AOAH: variants seen among roughly 807,000 people sequenced by gnomAD.
The protein encoded by AOAH is acyloxyacyl hydrolase (neutrophil).
Under a neutral mutation model 92.2 loss-of-function variants are expected in AOAH, and 64 were observed. The ratio of observed to expected loss-of-function variants is 0.69; its 90% CI spans 0.57 to 0.86. The LOEUF is 0.86. AOAH is among the 40% of genes least tolerant of loss of function. The probability of loss-of-function intolerance (pLI) is 0.00; values close to 1 mark genes in which losing one functional copy is unlikely to be tolerated. For synonymous variants in AOAH, 263 were observed against 254.5 expected (o/e 1.03, Z -0.32); for missense variants, 656 against 694.6 (o/e 0.94, Z 0.62).
At chr7:36,708,084 C>T (rs1446275384) in intron 1 of AOAH, among the ~76,000 whole-genome samples, 1 of 152,150 alleles carries the variant, frequency 6.6e-6, no homozygotes, top group South Asian at 2.1e-4. Context: ...TGAGCCACTG[C>T]ACCTGGCCTT....
chr7:36,649,959 C>T (rs112999105), intron 4 of AOAH, among the ~76,000 whole-genome samples: 5 of 152,176 alleles, frequency 3.3e-5, no homozygotes, highest in East Asian at 1.9e-4. Flanking sequence ...CTGGGTTCCA[C>T]GGTTCTCTTC....
intron 2 of AOAH, among the ~76,000 whole-genome samples, chr7:36,683,723 CTTGAAT>C (rs61572395): frequency 0.32 from 48,366 of 151,630 alleles, 8,810 homozygotes; most frequent in East Asian, 0.55. Context: ...TGGTTCTGAA[CTTGAAT>C]TTGAAGTGTC....
chr7:36,713,126 T>C (rs1458088564), intron 1 of AOAH, among the ~76,000 whole-genome samples: 2 of 151,990 alleles, frequency 1.3e-5, no homozygotes, highest in Non-Finnish European at 2.9e-5. Context: ...AATAAAGGGA[T>C]GGAGGAAGAT....
intron 12 of AOAH, among the ~76,000 whole-genome samples, chr7:36,587,192 A>G (rs926276170): frequency 6.6e-5 from 10 of 150,956 alleles, no homozygotes; most frequent in African/African-American, 2.4e-4. Flanking sequence ...GAATCGCTTG[A>G]ACCCAGGAGG....
chr7:36,657,914 A>T (rs191351239), intron 4 of AOAH, among the ~76,000 whole-genome samples: 1 of 152,346 alleles, frequency 6.6e-6, no homozygotes, highest in East Asian at 1.9e-4. Flanking sequence ...TGTATACATG[A>T]CATTATTATT....
chr7:36,697,555 G>A (rs1254682108), intron 1 of AOAH, among the ~76,000 whole-genome samples: 1 of 152,122 alleles, frequency 6.6e-6, no homozygotes, highest in Non-Finnish European at 1.5e-5. Context: ...AGTGAAATGT[G>A]TTTCTTCCTC....
At chr7:36,527,406 T>C (rs1784455461) in intron 19 of AOAH, among the ~76,000 whole-genome samples, 1 of 152,230 alleles carries the variant, frequency 6.6e-6, no homozygotes, top group African/African-American at 2.4e-5. Context: ...GACTGCAGAC[T>C]TAATAAGTGA....
At chr7:36,624,724 T>G (rs1323115506) in intron 6 of AOAH, among the ~76,000 whole-genome samples, 1 of 152,204 alleles carries the variant, frequency 6.6e-6, no homozygotes, top group African/African-American at 2.4e-5. Context: ...TGGGCCCTCC[T>G]GAGGGTCCCA....
chr7:36,640,937 C>T (rs1001547545), intron 4 of AOAH, among the ~76,000 whole-genome samples: 1 of 152,090 alleles, frequency 6.6e-6, no homozygotes, highest in Non-Finnish European at 1.5e-5. Flanking sequence ...GTCAGAGATT[C>T]CAGGCTCGGA....
At chr7:36,664,973 T>C (rs540478173) in intron 3 of AOAH, among the ~76,000 whole-genome samples, 1 of 152,288 alleles carries the variant, frequency 6.6e-6, no homozygotes, top group South Asian at 2.1e-4. Context: ...ACGAAGTCGC[T>C]CATTACCAAG....
chr7:36,628,615 G>A (rs909753192), intron 6 of AOAH, among the ~76,000 whole-genome samples: 34 of 151,402 alleles, frequency 2.2e-4, no homozygotes, highest in African/African-American at 8.1e-4. Flanking sequence ...GAGGAGCCAG[G>A]AGCACCCAGG....
intron 13 of AOAH, among the ~76,000 whole-genome samples, chr7:36,568,285 G>T (rs76621787): frequency 1.3e-5 from 2 of 152,200 alleles, no homozygotes; most frequent in Non-Finnish European, 2.9e-5. Flanking sequence ...TACAGGGAGC[G>T]GGAGATACCT....
At chr7:36,582,935 C>G (rs1414004156) in intron 12 of AOAH, among the ~76,000 whole-genome samples, 1 of 151,924 alleles carries the variant, frequency 6.6e-6, no homozygotes, top group Non-Finnish European at 1.5e-5. Context: ...ACCTCCACCT[C>G]CTGGGTTCAA....
At chr7:36,616,551 G>A (rs1260894948) in intron 10 of AOAH, 77 bp from the exon 11 acceptor site, 16 of 1,164,506 alleles carry the variant, frequency 1.4e-5, no homozygotes, top group Admixed American at 7.5e-5. Context: ...ATATAAGAGC[G>A]GATACCCTAG....
chr7:36,523,847 A>G (rs949848486), intron 19 of AOAH, among the ~76,000 whole-genome samples: 6 of 152,054 alleles, frequency 3.9e-5, no homozygotes, highest in South Asian at 2.1e-4. Context: ...ATTGCCATCA[A>G]TGGAGAACCA....
chr7:36,714,911 C>T (rs1272678007), intron 1 of AOAH, among the ~76,000 whole-genome samples: 4 of 152,140 alleles, frequency 2.6e-5, no homozygotes, highest in Non-Finnish European at 4.4e-5. Context: ...CCTTTGAAAA[C>T]GGGCATAAGA....
At chr7:36,646,027 A>T (rs1794201053) in intron 4 of AOAH, among the ~76,000 whole-genome samples, 1 of 152,202 alleles carries the variant, frequency 6.6e-6, no homozygotes, top group South Asian at 2.1e-4. Flanking sequence ...TTTAAACAGC[A>T]TTATTCCCAC....
chr7:36,724,068 G>A lies in AOAH; in HGVS notation c.81C>T (p.Asn27=), dbSNP rs762691800. ...AGAGGCTGGGCCTGGACTGGTCATCGTTGGCTGGAGAGGCCGAGGACTGAA... is the reference window on the plus strand; with the variant it reads ...AGAGGCTGGGCCTGGACTGGTCATCATTGGCTGGAGAGGCCGAGGACTGAA... ...LSLQSSASPA[N]DDQSRPSLSN... is the part of the protein sequence containing the mutation. Residue 27 remains asparagine (N), a synonymous_variant, in exon 1 of 21, where the codon AAC becomes AAT. Coordinates refer to ENST00000617537, the MANE Select transcript of AOAH (RefSeq NM_001637.4). The A allele has an allele frequency of 2.4e-5, 38 of 1,613,624 alleles. No homozygotes were observed. Among genetic ancestry groups the A allele is most frequent in the Admixed American group, 8.3e-5 (5 of 59,978 alleles).
chr7:36,626,768 C>T (rs889277317), intron 6 of AOAH, among the ~76,000 whole-genome samples: 6 of 151,988 alleles, frequency 3.9e-5, no homozygotes, highest in African/African-American at 1.4e-4. Flanking sequence ...GGCTCCAAGG[C>T]TTCTTGTTTG....
Sources: allele counts gnomAD v4.1 joint callset (sites outside exome capture counted in the v4.1 genomes callset), GRCh38; gene constraint gnomAD v4.1.1; transcripts MANE v1.5; gene names NCBI Gene and HGNC (gene_info 2026-07-23, HGNC 2026-07-21).